Variants in BSN observed in about 807,000 individuals in gnomAD.
The protein encoded by BSN is protein bassoon.
In BSN, 57 loss-of-function variants were observed where a neutral mutation model predicts 264.8. That is an observed-to-expected ratio of 0.22 (90% CI 0.17 to 0.27). The LOEUF (loss-of-function observed/expected upper bound fraction) is 0.27, where lower values mean the gene tolerates loss of function less well. Ranked by LOEUF, BSN falls within the 10% of genes least tolerant of loss-of-function variation. BSN has a pLI of 1.00. For synonymous variants in BSN, 2,059 were observed against 2,137.3 expected, an observed-to-expected ratio of 0.96 and a Z score of 1.01; for missense variants, 4,615 against 5,232.5, an observed-to-expected ratio of 0.88 and a Z score of 3.64.
At position 49,656,104 on chromosome 3, in the gene BSN, C is replaced by T. The variant is rs1457676519; in HGVS notation, c.6548C>T (p.Ser2183Phe). 2 of 1,612,568 alleles carry T rather than the reference C, an allele frequency of 1.2e-6. No individual in the cohort carries two copies. The highest frequency in any genetic ancestry group is 3.3e-5 in the Admixed American group (2 of 60,014). The part of the protein sequence containing the change: ...QGTAVRQLLP[S>F]TATVRAADGM... ...ACAGCAGTCAGACAGCTGCTGCCGTCCACAGCCACTGTACGTGCAGCTGAT... is the reference window on the plus strand; with the variant it reads ...ACAGCAGTCAGACAGCTGCTGCCGTTCACAGCCACTGTACGTGCAGCTGAT... The change falls in exon 5 of 12, where the codon TCC (serine) becomes TTC (phenylalanine). Residue 2183 changes from serine (S) to phenylalanine (F), a missense_variant. Transcript: ENST00000296452.
In BSN at chr3:49,585,565, C is replaced by T. The variant is rs73831443; in HGVS notation, c.224+30739C>T. The stretch of plus-strand genomic sequence containing the variant: ...TTGCCTCCTCCACCCGGTCCGCCGC[C>T]GGTTTCCTTGGAAGTTAAATCTTGG... On this transcript the variant is annotated intron_variant, in intron 1 of 11. Transcript: ENST00000296452. This position sits in a 1 kb window ranked among gnomAD's most constrained non-coding sequence, Gnocchi z 4.7. Among the ~76,000 whole-genome samples the T allele has an allele frequency of 0.024, 3,661 of 152,310 alleles. 159 individuals are homozygous for T. Among genetic ancestry groups the T allele is most frequent in the African/African-American group, 0.084 (3,498 of 41,550 alleles).
At chr3:49,672,566 C>T, downstream of BSN, among the ~76,000 whole-genome samples, 1 of 151,696 alleles carries the variant, frequency 6.6e-6, no homozygotes, top group East Asian at 1.9e-4. Context: ...CTGCAACCTC[C>T]ACTTCCCAGG....
chr3:49,605,303 ATATAT>A (rs1198680997), intron 1 of BSN, among the ~76,000 whole-genome samples: 10 of 100,448 alleles, frequency 1.0e-4, no homozygotes, highest in East Asian at 7.2e-4. Context: ...TTTATATATT[ATATAT>A]TATATTATAT....
Position 49,655,662 on chromosome 3 carries a change from G to C in BSN, c.6106G>C (p.Gly2036Arg). The C allele has an allele frequency of 1.9e-6, 3 of 1,613,646 alleles. No individual in the cohort carries two copies. The highest frequency in any genetic ancestry group is 2.5e-6 in the Non-Finnish European group (3 of 1,180,014). ...TGCGGATGGACGCTACCTAGGGCAG[G>C]GCTTGCAGTATGGCTCAGTCACGGA... ...GFADGRYLGQ[G>R]LQYGSVTDLR... The change falls in exon 5 of 12, where the codon GGC (glycine) becomes CGC (arginine). Residue 2036 changes from glycine to arginine, a missense_variant. Physicochemically the swap from Gly to Arg is moderately radical, Grantham distance 125. This residue lies in a region of BSN where 3,415 missense variants were observed against 3,866.4 expected (regional missense o/e 0.88). Coordinates refer to ENST00000296452, the MANE Select transcript of BSN (RefSeq NM_003458.4).
chr3:49,560,455 C>A (rs1207858815), intron 1 of BSN, among the ~76,000 whole-genome samples: 1 of 152,240 alleles, frequency 6.6e-6, no homozygotes, highest in Non-Finnish European at 1.5e-5. Context: ...CTTCTGCAGG[C>A]CCTGCCTGTC....
chr3:49,646,049 T>A (rs1050424014), intron 3 of BSN, among the ~76,000 whole-genome samples: 17 of 152,218 alleles, frequency 1.1e-4, no homozygotes, highest in Non-Finnish European at 2.5e-4. Context: ...GGTTGGGAAT[T>A]TTCCCCATAG....
At chr3:49,592,257 G>A (rs1381828586) in intron 1 of BSN, among the ~76,000 whole-genome samples, 1 of 151,242 alleles carries the variant, frequency 6.6e-6, no homozygotes, top group Non-Finnish European at 1.5e-5. Context: ...TTACAGGCAC[G>A]CACCACCATG....
Position 49,663,655 on chromosome 3 carries a change from C to T in BSN, c.11497C>T (p.Pro3833Ser), listed in dbSNP as rs1302534082. The T allele has an allele frequency of 6.2e-7, 1 of 1,604,172 alleles. No individual in the cohort carries two copies. The highest frequency in any genetic ancestry group is 8.5e-7 in the Non-Finnish European group (1 of 1,174,152). Residue 3833 changes from proline to serine, a missense_variant, in exon 7 of 12, where the codon CCA becomes TCA. This residue lies in a region of BSN where 3,415 missense variants were observed against 3,866.4 expected (regional missense o/e 0.88). Coordinates refer to ENST00000296452, the MANE Select transcript of BSN (RefSeq NM_003458.4). ...CCCCAGCACAGCCACAGGTCCTCAACCAGCAGGACCGGTAAGCAGAGCTCC... is the reference window on the plus strand; with the variant it reads ...CCCCAGCACAGCCACAGGTCCTCAATCAGCAGGACCGGTAAGCAGAGCTCC... ...PGPSTATGPQ[P>S]AGPPRAEQTN...
At chr3:49,664,696 CTCTG>C in intron 9 of BSN, 99 bp from the exon 10 acceptor site, 2 of 1,563,170 alleles carry the variant, frequency 1.3e-6, no homozygotes, top group Non-Finnish European at 1.8e-6. Flanking sequence ...TCCGGGCAAT[CTCTG>C]CCCCTTGGGC....
chr3:49,651,767 C>T lies in BSN; in HGVS notation c.2211C>T (p.Ala737=), dbSNP rs1232491452. ...GCAGCATGCGGCCTTTGCTGCAGGCCCAGGGCCTGGCCCCAAGTGAGCGGA... is the reference window on the plus strand; with the variant it reads ...GCAGCATGCGGCCTTTGCTGCAGGCTCAGGGCCTGGCCCCAAGTGAGCGGA... The part of the protein sequence containing the change: ...VGSSMRPLLQ[A]QGLAPSERSK... The change falls in exon 5 of 12, where the codon GCC becomes GCT. Residue 737 remains alanine (A), a synonymous_variant. Transcript: ENST00000296452. The surrounding 1 kb of genome is among the most constrained non-coding windows in gnomAD (Gnocchi z 5.4). 2 of 1,613,318 alleles carry T rather than the reference C, an allele frequency of 1.2e-6. No individual in the cohort carries two copies. Among genetic ancestry groups the T allele is most frequent in the Admixed American group, 1.7e-5 (1 of 60,012 alleles).
chr3:49,561,184 G>A (rs2051708905), intron 1 of BSN, among the ~76,000 whole-genome samples: 1 of 152,238 alleles, frequency 6.6e-6, no homozygotes, highest in African/African-American at 2.4e-5. Flanking sequence ...GAGAGGCCTG[G>A]TTGCCCCTAA....
chr3:49,635,528 T>G (rs538451790), intron 2 of BSN, among the ~76,000 whole-genome samples: 72 of 152,228 alleles, frequency 4.7e-4, no homozygotes, highest in African/African-American at 1.7e-3. Context: ...CCTACAAAAT[T>G]GTTGAAAGAA....
Position 49,585,717 on chromosome 3 carries a change from T to G in BSN, c.224+30891T>G, listed in dbSNP as rs2051932328. Among the ~76,000 whole-genome samples the G allele has an allele frequency of 6.6e-6, 1 of 152,236 alleles. No individual in the cohort carries two copies. Among genetic ancestry groups the G allele is most frequent in the African/African-American group, 2.4e-5 (1 of 41,472 alleles). ...TGGTTGTACTAATTTACATTCCCAC[T>G]AACAGTGTACAAGGGTTCCCTTTTC... On this transcript the variant is annotated intron_variant, in intron 1 of 11. Transcript: ENST00000296452. The surrounding 1 kb of genome is among the most constrained non-coding windows in gnomAD (Gnocchi z 4.7).
Position 49,651,876 on chromosome 3 carries a change from G to C in BSN, c.2320G>C (p.Asp774His), listed in dbSNP as rs1559614328. 7 of 1,614,018 alleles carry C rather than the reference G, an allele frequency of 4.3e-6. No individual in the cohort carries two copies. Among genetic ancestry groups the C allele is most frequent in the Non-Finnish European group, 5.9e-6 (7 of 1,180,034 alleles). Residue 774 changes from aspartate to histidine, a missense_variant, in exon 5 of 12, where the codon GAT (aspartate) becomes CAT (histidine). Asp to His is a moderately conservative substitution (Grantham distance 81). Coordinates refer to ENST00000296452, the MANE Select transcript of BSN (RefSeq NM_003458.4). This position sits in a 1 kb window ranked among gnomAD's most constrained non-coding sequence, Gnocchi z 5.4. ...LSITPEAFDS[D>H]EELEDILEED... is the part of the protein sequence containing the mutation. Reference sequence around the variant, plus strand: ...CATCACGCCTGAGGCCTTTGACTCTGATGAGGAGCTGGAGGATATCCTGGA... The same window carrying C: ...CATCACGCCTGAGGCCTTTGACTCTCATGAGGAGCTGGAGGATATCCTGGA...
At position 49,669,124 on chromosome 3, in the gene BSN, T is replaced by G. The variant is rs2052734651; in HGVS notation, c.*1639T>G. ...GCCTCTTTGCACGATTTCATCCATT[T>G]TAAATGCTTGACCCTCTTGCTTGGA... On this transcript the variant is annotated 3_prime_UTR_variant, in exon 12 of 12. Coordinates refer to ENST00000296452, the MANE Select transcript of BSN (RefSeq NM_003458.4). The G allele has an allele frequency of 6.5e-6, 1 of 152,726 alleles. No individual in the cohort carries two copies. The highest frequency in any genetic ancestry group is 1.9e-4 in the East Asian group (1 of 5,164). The allele number at this position is 152,726 out of a possible 1,614,324, so 9.5% of individuals were successfully genotyped here.
In BSN at chr3:49,650,956, G is replaced by C. The variant is rs2052537051; in HGVS notation, c.1863G>C (p.Lys621Asn). ...RVPTKAEPMP[K>N]PPPETTPTPA... Reference sequence around the variant, plus strand: ...CCACTAAAGCTGAGCCCATGCCGAAGCCACCTCCAGAGACTACCCCAACCC... The same window carrying C: ...CCACTAAAGCTGAGCCCATGCCGAACCCACCTCCAGAGACTACCCCAACCC... Residue 621 changes from lysine (K) to asparagine (N), a missense_variant, in exon 4 of 12, where the codon AAG becomes AAC. Transcript: ENST00000296452. The C allele has an allele frequency of 6.2e-7, 1 of 1,614,040 alleles. No individual in the cohort carries two copies. The highest frequency in any genetic ancestry group is 1.3e-5 in the African/African-American group (1 of 74,932).
chr3:49,607,535 A>G (rs1204783077), intron 1 of BSN, among the ~76,000 whole-genome samples: 1 of 152,226 alleles, frequency 6.6e-6, no homozygotes, highest in Non-Finnish European at 1.5e-5. Flanking sequence ...TCACACACAC[A>G]TGCACACAGT....
chr3:49,629,439 G>A (rs2052368446), intron 2 of BSN, among the ~76,000 whole-genome samples: 3 of 152,248 alleles, frequency 2.0e-5, no homozygotes, highest in African/African-American at 7.2e-5. Flanking sequence ...ATGCAGTTGG[G>A]GTGGGCAGTG....
At chr3:49,603,284 T>G (rs1045598901) in intron 1 of BSN, among the ~76,000 whole-genome samples, 9 of 152,198 alleles carry the variant, frequency 5.9e-5, no homozygotes, top group Admixed American at 2.6e-4. Context: ...CCACCTCTTG[T>G]TGGTGGTTGC....
Sources: allele counts gnomAD v4.1 joint callset (sites outside exome capture counted in the v4.1 genomes callset), GRCh38; gene constraint gnomAD v4.1.1; regional missense constraint gnomAD v4.1.1; non-coding constraint Gnocchi (gnomAD v3.1); transcripts MANE v1.5; gene names NCBI Gene and HGNC (gene_info 2026-07-23, HGNC 2026-07-21).